The following GALNTL6 variants were observed in gnomAD, a reference collection of about 807,000 sequenced individuals.
GALNTL6 encodes the protein polypeptide N-acetylgalactosaminyltransferase-like 6.
GALNTL6 carries 46 observed loss-of-function variants against 73.7 expected under a neutral mutation model. The ratio of observed to expected loss-of-function variants is 0.62; its 90% confidence interval spans 0.49 to 0.80. The LOEUF is 0.80. Among genes scored for constraint, GALNTL6 ranks in the 30% least tolerant of loss-of-function variants. GALNTL6 has a pLI of 0.00. For missense variants in GALNTL6, 604 were observed against 755.0 expected (o/e 0.80, Z 2.34); for synonymous variants, 259 against 263.7 (o/e 0.98, Z 0.17).
intron 5 of GALNTL6, among the ~76,000 whole-genome samples, chr4:172,742,072 C>G (rs1736840494): frequency 6.6e-6 from 1 of 152,016 alleles, no homozygotes; most frequent in African/African-American, 2.4e-5. Flanking sequence ...TCTCAGTTCT[C>G]TAGTTTGTCA....
rs146743365 is a variant in GALNTL6 at position 172,684,229 on chromosome 4, G to A, written c.554-125132G>A. Among the ~76,000 whole-genome samples, 676 of 152,202 alleles carry A rather than the reference G, an allele frequency of 4.4e-3. 5 individuals carry two copies. Among genetic ancestry groups the A allele is most frequent in the African/African-American group, 0.016 (646 of 41,520 alleles). The stretch of plus-strand genomic sequence containing the variant: ...TCTTATAAAAATCATTAGAGATGAT[G>A]GCGTACACAGCTTTTTATTTCTAGA... On this transcript the variant is annotated intron_variant, in intron 5 of 12. Coordinates refer to ENST00000506823, the MANE Select transcript of GALNTL6 (RefSeq NM_001034845.3).
intron 2 of GALNTL6, among the ~76,000 whole-genome samples, chr4:172,008,362 T>A (rs1740899074): frequency 6.6e-6 from 1 of 152,160 alleles, no homozygotes; most frequent in African/African-American, 2.4e-5. Flanking sequence ...GCTGCAGACA[T>A]TTTTCATAAA....
At chr4:172,684,374 T>G (rs1215245529) in intron 5 of GALNTL6, among the ~76,000 whole-genome samples, 2 of 152,176 alleles carry the variant, frequency 1.3e-5, no homozygotes, top group Non-Finnish European at 2.9e-5. Flanking sequence ...CAGGCCTAAC[T>G]TTAGATGCTA....
In GALNTL6 at chr4:172,671,571, G is replaced by A. The variant is rs185855946; in HGVS notation, c.554-137790G>A. Among the ~76,000 whole-genome samples, 53 of 152,222 alleles carry A rather than the reference G, an allele frequency of 3.5e-4. No individual in the cohort carries two copies. In the East Asian group the frequency reaches 7.0e-3, roughly 20 times the overall value. On this transcript the variant is annotated intron_variant, in intron 5 of 12. Transcript: ENST00000506823. ...TAAGGAGCTTTTTGGCTGAGACTAC[G>A]GGGTTTTCTAGATACAAGATTATAT...
rs144792288 is a variant in GALNTL6, at chr4:172,328,059, A to G, written c.386+16307A>G. Among the ~76,000 whole-genome samples the G allele has an allele frequency of 6.6e-3, 1,000 of 151,904 alleles. 14 individuals are homozygous for G. Among genetic ancestry groups the G allele is most frequent in the African/African-American group, 0.023 (953 of 41,432 alleles). ...TTTCATATTTAGTGCTCTTTTCAGGATTTTTTATAAGGCAGGTCTGGTGGT... is the reference window on the plus strand; with the variant it reads ...TTTCATATTTAGTGCTCTTTTCAGGGTTTTTTATAAGGCAGGTCTGGTGGT... On this transcript the variant is annotated intron_variant, in intron 4 of 12. Transcript: ENST00000506823.
At chr4:172,236,663 T>C (rs1737253836) in intron 3 of GALNTL6, among the ~76,000 whole-genome samples, 2 of 152,234 alleles carry the variant, frequency 1.3e-5, no homozygotes, top group South Asian at 4.1e-4. Flanking sequence ...TGTTTCGTTC[T>C]GGTAATTACA....
intron 5 of GALNTL6, among the ~76,000 whole-genome samples, chr4:172,767,412 C>T (rs1395183280): frequency 6.6e-6 from 1 of 152,132 alleles, no homozygotes; most frequent in East Asian, 1.9e-4. Context: ...CAGAACTTTA[C>T]TGTATTGCAT....
intron 5 of GALNTL6, among the ~76,000 whole-genome samples, chr4:172,549,084 A>G (rs2110894522): frequency 6.6e-6 from 1 of 152,308 alleles, no homozygotes; most frequent in Non-Finnish European, 1.5e-5. Context: ...ATTTCGACCA[A>G]TGCCCATAGT....
intron 5 of GALNTL6, among the ~76,000 whole-genome samples, chr4:172,582,867 A>T (rs1737246677): frequency 6.6e-6 from 1 of 151,976 alleles, no homozygotes; most frequent in Non-Finnish European, 1.5e-5. Context: ...TTTCACTTTT[A>T]TTCTGAACAT....
chr4:172,678,922 G>C (rs188333568), intron 5 of GALNTL6, among the ~76,000 whole-genome samples: 11 of 152,264 alleles, frequency 7.2e-5, no homozygotes, highest in African/African-American at 1.2e-4. Flanking sequence ...ATACATTGTA[G>C]CCTTTTTGGA....
intron 2 of GALNTL6, among the ~76,000 whole-genome samples, chr4:172,006,051 C>A (rs1740831651): frequency 6.6e-6 from 1 of 152,180 alleles, no homozygotes; most frequent in Admixed American, 6.5e-5. Flanking sequence ...CTCCAGCTGT[C>A]ATTGCTTAAA....
intron 2 of GALNTL6, among the ~76,000 whole-genome samples, chr4:172,191,510 A>G (rs1314515053): frequency 6.6e-6 from 1 of 152,064 alleles, no homozygotes; most frequent in East Asian, 1.9e-4. Context: ...AGCTACTCTT[A>G]AGGATCCTCA....
At chr4:172,038,238 A>T (rs759893156) in intron 2 of GALNTL6, among the ~76,000 whole-genome samples, 2 of 151,936 alleles carry the variant, frequency 1.3e-5, no homozygotes, top group Non-Finnish European at 2.9e-5. Flanking sequence ...TTTTTTCCTG[A>T]TATACACACA....
intron 2 of GALNTL6, among the ~76,000 whole-genome samples, chr4:172,050,721 C>T (rs1367645790): frequency 1.3e-5 from 2 of 152,136 alleles, no homozygotes; most frequent in Non-Finnish European, 1.5e-5. Context: ...TCTTGCTTAT[C>T]AAATTCCTTA....
chr4:172,945,208 A>C (rs1749106525), intron 9 of GALNTL6, among the ~76,000 whole-genome samples: 1 of 152,194 alleles, frequency 6.6e-6, no homozygotes, highest in Admixed American at 6.5e-5. Flanking sequence ...TAAAATTCTA[A>C]AAAATACAAA....
chr4:172,013,929 G>A (rs1477836298), intron 2 of GALNTL6, among the ~76,000 whole-genome samples: 1 of 148,332 alleles, frequency 6.7e-6, no homozygotes, highest in Admixed American at 6.8e-5. Context: ...GAGTTCAGTT[G>A]TTTTAATTTT....
intron 5 of GALNTL6, among the ~76,000 whole-genome samples, chr4:172,749,827 C>T (rs1737325651): frequency 6.6e-6 from 1 of 151,818 alleles, no homozygotes; most frequent in African/African-American, 2.4e-5. Flanking sequence ...ATAATTCTCA[C>T]AATATTTCTG....
At chr4:172,691,163 A>G (rs1389845069) in intron 5 of GALNTL6, among the ~76,000 whole-genome samples, 1 of 152,184 alleles carries the variant, frequency 6.6e-6, no homozygotes, top group East Asian at 1.9e-4. Context: ...AGGGTAGAGG[A>G]TGGGTATTCC....
At chr4:172,379,027 A>G (rs1743157294) in intron 5 of GALNTL6, among the ~76,000 whole-genome samples, 1 of 152,154 alleles carries the variant, frequency 6.6e-6, no homozygotes, top group African/African-American at 2.4e-5. Flanking sequence ...ATTTTACTAA[A>G]ACATAAGACT....
Sources: gnomAD v4.1 joint callset for allele counts (sites outside exome capture counted in the v4.1 genomes callset) on GRCh38, gnomAD v4.1.1 for gene constraint, MANE v1.5 for transcripts, NCBI Gene and HGNC (gene_info 2026-07-23, HGNC 2026-07-21) for gene names.